GPC5: variants seen among roughly 807,000 people sequenced by gnomAD.
The protein encoded by GPC5 is glypican-5.
In GPC5, 47 loss-of-function variants were observed where a neutral mutation model predicts 53.9. That is an observed-to-expected ratio of 0.87 (90% CI 0.69 to 1.11). The LOEUF is 1.11. Ranked by LOEUF, GPC5 falls within the 50% of genes most tolerant of loss-of-function variation. The probability of loss-of-function intolerance (pLI) is 0.00; values close to 1 mark genes in which losing one functional copy is unlikely to be tolerated. For synonymous variants in GPC5, 286 were observed against 263.3 expected, an observed-to-expected ratio of 1.09 and a Z score of -0.84; for missense variants, 748 against 713.1, an observed-to-expected ratio of 1.05 and a Z score of -0.56.
intron 7 of GPC5, among the ~76,000 whole-genome samples, chr13:92,526,582 AGAAGGATT>A (rs1006059515): frequency 6.6e-6 from 1 of 152,028 alleles, no homozygotes; most frequent in Non-Finnish European, 1.5e-5. Context: ...GGGAAGACAT[AGAAGGATT>A]TTAAAGAAGA....
intron 2 of GPC5, among the ~76,000 whole-genome samples, chr13:91,527,889 T>A (rs1886161358): frequency 1.3e-5 from 2 of 152,144 alleles, no homozygotes; most frequent in Admixed American, 1.3e-4. Context: ...CCCCTTTTAG[T>A]AACAGCTGGA....
intron 7 of GPC5, among the ~76,000 whole-genome samples, chr13:92,713,940 TCAC>T (rs988230024): frequency 9.9e-5 from 15 of 152,170 alleles, no homozygotes; most frequent in Non-Finnish European, 1.9e-4. Context: ...TTCCCATAGT[TCAC>T]CAAGCAATTC....
intron 1 of GPC5, among the ~76,000 whole-genome samples, chr13:91,401,852 A>G (rs891684143): frequency 6.6e-6 from 1 of 152,258 alleles, no homozygotes; most frequent in Admixed American, 6.5e-5. Context: ...TTGAGCTCCT[A>G]AGGATGTTTG....
At chr13:92,508,125 G>A (rs1204914125) in intron 7 of GPC5, among the ~76,000 whole-genome samples, 1 of 151,886 alleles carries the variant, frequency 6.6e-6, no homozygotes, top group Non-Finnish European at 1.5e-5. Context: ...CACCATGCTG[G>A]GCTAATTTTT....
At chr13:91,581,476 C>G (rs189424647) in intron 2 of GPC5, among the ~76,000 whole-genome samples, 102 of 152,256 alleles carry the variant, frequency 6.7e-4, no homozygotes, top group Admixed American at 1.1e-3. Flanking sequence ...TAGTCTTGCT[C>G]TGATCTGCCT....
intron 7 of GPC5, among the ~76,000 whole-genome samples, chr13:92,268,953 C>T (rs1281631916): frequency 6.6e-6 from 1 of 151,764 alleles, no homozygotes; most frequent in African/African-American, 2.4e-5. Context: ...ATTAAGTTTA[C>T]ATTTGTCTAT....
At chr13:91,860,490 CTCTTTCTT>C in intron 5 of GPC5, among the ~76,000 whole-genome samples, 1 of 98,732 alleles carries the variant, frequency 1.0e-5, no homozygotes, top group East Asian at 4.1e-4. Context: ...TCCTTCCTTC[CTCTTTCTT>C]TCTTTCTTTC....
intron 6 of GPC5, among the ~76,000 whole-genome samples, chr13:91,912,719 G>T (rs1445370674): frequency 7.3e-6 from 1 of 136,482 alleles, no homozygotes; most frequent in Non-Finnish European, 1.7e-5. Flanking sequence ...CCTAAAGTTG[G>T]ATATTTAGGT....
chr13:91,895,369 T>G (rs1455927964), intron 5 of GPC5, among the ~76,000 whole-genome samples: 3 of 152,124 alleles, frequency 2.0e-5, no homozygotes, highest in Admixed American at 2.0e-4. Flanking sequence ...AGGAAGACAA[T>G]GGCTTATAAA....
chr13:91,710,659 T>TAA (rs2036205135), intron 3 of GPC5, among the ~76,000 whole-genome samples: 1 of 152,206 alleles, frequency 6.6e-6, no homozygotes, highest in Admixed American at 6.5e-5. Context: ...ATGTACTGTC[T>TAA]GGGTTCTAAG....
chr13:92,411,996 A>G (rs926939637), intron 7 of GPC5, among the ~76,000 whole-genome samples: 1 of 152,180 alleles, frequency 6.6e-6, no homozygotes, highest in African/African-American at 2.4e-5. Context: ...GTAGGTATCC[A>G]TGATTGCACA....
chr13:91,495,002 C>T (rs557114999), intron 2 of GPC5, among the ~76,000 whole-genome samples: 46 of 152,328 alleles, frequency 3.0e-4, no homozygotes, highest in African/African-American at 1.1e-3. Context: ...CAACGAAGTG[C>T]TTGACATCGC....
At position 92,032,561 on chromosome 13, in the gene GPC5, A is replaced by G. The variant is rs557673674; in HGVS notation, c.1402-112269A>G. ...AAGTGAGTGGCTTGTCTCTTCTTCCAGTTTCACATGACCTAAAACGTGGTC... is the reference window on the plus strand; with the variant it reads ...AAGTGAGTGGCTTGTCTCTTCTTCCGGTTTCACATGACCTAAAACGTGGTC... On this transcript the variant is annotated intron_variant, in intron 6 of 7. Coordinates refer to ENST00000377067, the MANE Select transcript of GPC5 (RefSeq NM_004466.6). 5.4e-4 allele frequency among the ~76,000 whole-genome samples: 82 copies of G among 152,092 alleles called. 1 individual carries two copies. Among genetic ancestry groups the G allele is most frequent in the African/African-American group, 1.8e-3 (76 of 41,478 alleles).
At chr13:91,586,034 G>T in intron 2 of GPC5, among the ~76,000 whole-genome samples, 1 of 122,066 alleles carries the variant, frequency 8.2e-6, no homozygotes, top group African/African-American at 3.1e-5. Context: ...AAATTTGACT[G>T]GCTTTTTATA....
At chr13:92,277,169 C>G (rs1052086880) in intron 7 of GPC5, among the ~76,000 whole-genome samples, 1 of 151,776 alleles carries the variant, frequency 6.6e-6, no homozygotes, top group Non-Finnish European at 1.5e-5. Flanking sequence ...TTTCACAATT[C>G]TGTTTCATAT....
chr13:92,863,044 C>G (rs1285162456), intron 7 of GPC5, among the ~76,000 whole-genome samples: 1 of 152,168 alleles, frequency 6.6e-6, no homozygotes, highest in Non-Finnish European at 1.5e-5. Flanking sequence ...CTGAATACTT[C>G]CAGTTACTTG....
chr13:92,402,636 C>A (rs183022719), intron 7 of GPC5, among the ~76,000 whole-genome samples: 1 of 152,162 alleles, frequency 6.6e-6, no homozygotes, highest in Non-Finnish European at 1.5e-5. Context: ...CCCTCACATG[C>A]GCAGTTCACA....
Position 92,753,325 on chromosome 13 carries a change from T to A in GPC5, c.1562-112957T>A, listed in dbSNP as rs1304330834. ...AAAGGACATCCACACCAAAAACCCA[T>A]CTGTACATCACCATCATCAAAGACC... is the stretch of plus-strand genomic sequence containing the variant. On this transcript the variant is annotated intron_variant, in intron 7 of 7. Coordinates refer to ENST00000377067, the MANE Select transcript of GPC5 (RefSeq NM_004466.6). Among the ~76,000 whole-genome samples, 5 of 151,914 alleles carry A rather than the reference T, an allele frequency of 3.3e-5. No individual in the cohort carries two copies. In the East Asian group the frequency reaches 9.7e-4, roughly 29 times the overall value.
intron 7 of GPC5, among the ~76,000 whole-genome samples, chr13:92,273,044 T>G (rs1209826845): frequency 7.9e-5 from 12 of 152,120 alleles, no homozygotes; most frequent in Admixed American, 7.9e-4. Flanking sequence ...CCACCAAATT[T>G]CCTTTGAGAT....
Sources: gnomAD v4.1 joint callset for allele counts (sites outside exome capture counted in the v4.1 genomes callset) on GRCh38, gnomAD v4.1.1 for gene constraint, MANE v1.5 for transcripts, NCBI Gene and HGNC (gene_info 2026-07-23, HGNC 2026-07-21) for gene names.